KANK1: variants seen among roughly 807,000 people sequenced by gnomAD.
The protein encoded by KANK1 is KN motif and ankyrin repeat domains 1.
A neutral mutation model predicts 106.2 loss-of-function variants in KANK1; 109 were observed. The observed-to-expected ratio is 1.03, with a 90% CI of 0.88 to 1.20. The LOEUF is 1.20. KANK1 is among the 50% of genes most tolerant of loss of function. The pLI is 0.00. For synonymous variants in KANK1, 873 were observed against 652.2 expected (o/e 1.34, Z -5.16); for missense variants, 2,399 against 1,710.7 (o/e 1.40, Z -7.10).
intron 1 of KANK1, among the ~76,000 whole-genome samples, chr9:607,225 C>G (rs1023628972): frequency 1.3e-5 from 2 of 151,714 alleles, no homozygotes; most frequent in Admixed American, 6.6e-5. Context: ...GTGACTTATG[C>G]CTGTAATCCC....
In KANK1 at chr9:498,606, CTAATT is replaced by C. The variant is rs761219889; in HGVS notation, c.-362+25337_-362+25341del. On this transcript the variant is annotated intron_variant, in intron 3 of 15. Coordinates refer to the KANK1 transcript ENST00000382303. ...ATTCAATAATAAAAAGACACATAAT[CTAATT>C]TAACAATAGACAAAAGATGTGAATG... 5.9e-3 allele frequency among the ~76,000 whole-genome samples: 891 copies of C among 152,248 alleles called. 6 individuals are homozygous for C. Among genetic ancestry groups the C allele is most frequent in the African/African-American group, 0.02 (830 of 41,542 alleles).
intron 2 of KANK1, chr9:471,419 T>A (rs1363832841): frequency 6.6e-6 from 1 of 152,200 alleles, no homozygotes; most frequent in Non-Finnish European, 1.5e-5. Context: ...GGTCAAGAGA[T>A]GGTGACCGCT....
intron 1 of KANK1, among the ~76,000 whole-genome samples, chr9:583,174 G>A (rs1412285981): frequency 2.6e-5 from 4 of 152,120 alleles, no homozygotes; most frequent in African/African-American, 9.7e-5. Flanking sequence ...AAACACAGCT[G>A]GGAATAATTC....
chr9:574,263 C>T (rs1182099850), intron 1 of KANK1, among the ~76,000 whole-genome samples: 5 of 152,196 alleles, frequency 3.3e-5, no homozygotes, highest in African/African-American at 4.8e-5. Context: ...AGGGCCCCAG[C>T]GGTCTTTACT....
chr9:687,967 T>C (rs1163677235), intron 2 of KANK1, among the ~76,000 whole-genome samples: 1 of 152,198 alleles, frequency 6.6e-6, no homozygotes, highest in Non-Finnish European at 1.5e-5. Context: ...AGATTCAATG[T>C]TCAACCAGCA....
At chr9:540,030 T>A (rs1348511503) in intron 1 of KANK1, among the ~76,000 whole-genome samples, 1 of 152,218 alleles carries the variant, frequency 6.6e-6, no homozygotes. Context: ...GTATTTTATT[T>A]TTCTTGCCTA....
intron 10 of KANK1, among the ~76,000 whole-genome samples, chr9:744,035 G>A (rs770969627): frequency 9.9e-5 from 15 of 152,116 alleles, no homozygotes; most frequent in East Asian, 1.9e-4. Flanking sequence ...CTGGGATTGC[G>A]TGCTTACACA....
At chr9:726,949 GACAAGAC>G (rs1400396237) in intron 3 of KANK1, among the ~76,000 whole-genome samples, 1 of 152,162 alleles carries the variant, frequency 6.6e-6, no homozygotes, top group Non-Finnish European at 1.5e-5. Flanking sequence ...AACAGCACAA[GACAAGAC>G]ACTCTCTCAA....
chr9:688,967 A>G (rs1029183434), intron 2 of KANK1, among the ~76,000 whole-genome samples: 7 of 152,194 alleles, frequency 4.6e-5, no homozygotes, highest in African/African-American at 1.7e-4. Flanking sequence ...TACAGACCTC[A>G]CCTCTTTTAG....
At chr9:655,925 C>A (rs1317591799) in intron 1 of KANK1, among the ~76,000 whole-genome samples, 1 of 152,210 alleles carries the variant, frequency 6.6e-6, no homozygotes, top group Non-Finnish European at 1.5e-5. Flanking sequence ...CCCTTTGTAA[C>A]TGAGTCCCAG....
chr9:528,622 G>T (rs967955539), intron 1 of KANK1, among the ~76,000 whole-genome samples: 2 of 151,652 alleles, frequency 1.3e-5, no homozygotes, highest in Non-Finnish European at 2.9e-5. Context: ...TCAAGTAGCT[G>T]CGTTACAGGT....
chr9:636,084 A>T (rs1198646504), intron 1 of KANK1, among the ~76,000 whole-genome samples: 1 of 152,194 alleles, frequency 6.6e-6, no homozygotes, highest in Non-Finnish European at 1.5e-5. Flanking sequence ...AAATGGTTGT[A>T]CATCAGAATT....
At position 731,261 on chromosome 9, in the gene KANK1, T is replaced by G. The variant is rs1483201478; in HGVS notation, c.3000T>G (p.Asn1000Lys). The change falls in exon 5 of 12, where the codon AAT becomes AAG. Residue 1000 changes from asparagine to lysine, a missense_variant. By Grantham distance (94) the Asn-to-Lys change is moderately conservative. Transcript: ENST00000382297. Reference protein sequence around the residue: ...AKKNLQFVGINGGYETTSSDD... With the variant: ...AKKNLQFVGIKGGYETTSSDD... ...AGAATCTTCAGTTTGTTGGCATTAA[T>G]GGAGGGTAAGGAAAGATGGTGGTTC... The G allele has an allele frequency of 1.3e-6, 2 of 1,582,270 alleles. No homozygotes were observed. Among genetic ancestry groups the G allele is most frequent in the Non-Finnish European group, 1.7e-6 (2 of 1,151,922 alleles).
At chr9:537,413 A>G (rs138140630) in intron 1 of KANK1, among the ~76,000 whole-genome samples, 320 of 152,294 alleles carry the variant, frequency 2.1e-3, no homozygotes, top group African/African-American at 7.2e-3. Context: ...TAGAAGATCA[A>G]AGCATGGATG....
At chr9:680,966 C>T (rs907808345) in intron 2 of KANK1, 11 of 152,450 alleles carry the variant, frequency 7.2e-5, no homozygotes, top group Admixed American at 7.2e-4. Flanking sequence ...GTAATCCCAA[C>T]ACTTTGGAAG....
intron 2 of KANK1, among the ~76,000 whole-genome samples, chr9:704,780 A>C (rs866278993): frequency 1.4e-4 from 22 of 152,124 alleles, no homozygotes; most frequent in Admixed American, 1.4e-3. Flanking sequence ...CAGGAGTTCA[A>C]GACCAGCCTG....
At chr9:732,260 G>T (rs1832506379) in intron 5 of KANK1, 118 bp from the exon 6 acceptor site, 3 of 1,239,260 alleles carry the variant, frequency 2.4e-6, no homozygotes, top group Non-Finnish European at 1.1e-6. Context: ...CTAAGTGCAG[G>T]ATCTAAAACC....
At chr9:623,604 CAA>C (rs398010190) in intron 1 of KANK1, among the ~76,000 whole-genome samples, 1 of 117,876 alleles carries the variant, frequency 8.5e-6, no homozygotes, top group African/African-American at 3.7e-5. Context: ...GATTGTGTCT[CAA>C]AAAAAAAAAA....
At chr9:539,191 C>T (rs968755746) in intron 1 of KANK1, among the ~76,000 whole-genome samples, 6 of 152,060 alleles carry the variant, frequency 3.9e-5, no homozygotes, top group African/African-American at 1.2e-4. Flanking sequence ...GAAAACTTTC[C>T]AGTTTTTAAA....
Sources: gnomAD v4.1 joint callset for allele counts (sites outside exome capture counted in the v4.1 genomes callset) on GRCh38, gnomAD v4.1.1 for gene constraint, MANE v1.5 for transcripts, NCBI Gene and HGNC (gene_info 2026-07-23, HGNC 2026-07-21) for gene names.